Variants in SEMA5B observed in about 807,000 individuals in gnomAD.
SEMA5B encodes the protein semaphorin-5B.
In SEMA5B, 66 loss-of-function variants were observed where a neutral mutation model predicts 135.0. The ratio of observed to expected loss-of-function variants is 0.49; its 90% CI spans 0.40 to 0.60. The LOEUF (loss-of-function observed/expected upper bound fraction) is 0.60, where lower values mean the gene tolerates loss of function less well. Among genes scored for constraint, SEMA5B ranks in the 20% least tolerant of loss-of-function variants. SEMA5B has a pLI of 0.00. For synonymous variants in SEMA5B, 690 were observed against 639.5 expected (o/e 1.08, Z -1.19); for missense variants, 1,501 against 1,566.3 (o/e 0.96, Z 0.70).
chr3:122,989,883 C>T (rs1192893240), intron 1 of SEMA5B, among the ~76,000 whole-genome samples: 2 of 152,080 alleles, frequency 1.3e-5, no homozygotes, highest in Non-Finnish European at 2.9e-5. Flanking sequence ...ACTGATTCTG[C>T]GTAGTTAGGC....
intron 1 of SEMA5B, chr3:122,976,206 G>A (rs1291137275): frequency 6.7e-7 from 1 of 1,482,294 alleles, no homozygotes; most frequent in East Asian, 2.5e-5. Context: ...GTGCTCCTAG[G>A]ACCAGCAGCA....
intron 2 of SEMA5B, among the ~76,000 whole-genome samples, chr3:122,949,653 G>T (rs1939958523): frequency 1.3e-5 from 2 of 152,232 alleles, no homozygotes; most frequent in Admixed American, 1.3e-4. Context: ...CATTCAGCCA[G>T]ATGTCACAAG....
intron 9 of SEMA5B, among the ~76,000 whole-genome samples, chr3:122,925,819 G>A (rs907428923): frequency 1.2e-4 from 18 of 150,062 alleles, no homozygotes; most frequent in Non-Finnish European, 2.7e-4. Context: ...TGGTCTATAG[G>A]AAAGTCACCT....
In SEMA5B at chr3:122,911,064, G is replaced by T; in HGVS notation, c.3092-19C>A. 6.3e-7 allele frequency: 1 copy of T among 1,592,614 alleles called. No individual in the cohort carries two copies. Among genetic ancestry groups the T allele is most frequent in the Non-Finnish European group, 8.6e-7 (1 of 1,164,372 alleles). On this transcript the variant is annotated intron_variant, in intron 21 of 22. Coordinates refer to ENST00000357599, the MANE Select transcript of SEMA5B (RefSeq NM_001031702.4). ...TTGAACCCTAGGGGAAGAGAGGCAG[G>T]TAGTAAGATGAGGGCCACTGTGAAG...
intron 1 of SEMA5B, among the ~76,000 whole-genome samples, chr3:122,966,538 T>G (rs1560378573): frequency 7.4e-5 from 2 of 26,848 alleles, no homozygotes; most frequent in Non-Finnish European, 2.2e-4. Context: ...TAAGAATGTT[T>G]ATTATTATTA....
At chr3:122,979,437 A>G (rs537500488) in intron 1 of SEMA5B, among the ~76,000 whole-genome samples, 1 of 152,334 alleles carries the variant, frequency 6.6e-6, no homozygotes, top group Admixed American at 6.5e-5. Context: ...GGGGGTTCCC[A>G]GTTCCACATA....
At chr3:123,010,534 G>C (rs1942414958) in intron 1 of SEMA5B, among the ~76,000 whole-genome samples, 1 of 152,152 alleles carries the variant, frequency 6.6e-6, no homozygotes, top group South Asian at 2.1e-4. Flanking sequence ...GTGTCGGCTG[G>C]ACGCAGTGCC....
chr3:122,933,534 G>T (rs72970516), intron 5 of SEMA5B, among the ~76,000 whole-genome samples: 2 of 152,188 alleles, frequency 1.3e-5, no homozygotes, highest in African/African-American at 4.8e-5. Context: ...ATGTGCCTTA[G>T]GACGGGTCTT....
At chr3:122,955,276 C>A (rs1940239716) in intron 2 of SEMA5B, among the ~76,000 whole-genome samples, 1 of 152,110 alleles carries the variant, frequency 6.6e-6, no homozygotes, top group East Asian at 1.9e-4. Flanking sequence ...TCCTTCTCTG[C>A]AAAATGGGGA....
At chr3:122,957,823 C>T (rs964973618) in intron 2 of SEMA5B, among the ~76,000 whole-genome samples, 6 of 152,232 alleles carry the variant, frequency 3.9e-5, no homozygotes, top group Non-Finnish European at 8.8e-5. Context: ...CTGCTACACT[C>T]ACCATCCTCC....
chr3:122,978,994 G>A (rs957414758), intron 1 of SEMA5B, among the ~76,000 whole-genome samples: 3 of 152,156 alleles, frequency 2.0e-5, no homozygotes, highest in African/African-American at 2.4e-5. Context: ...CCTGCCCTGT[G>A]AGCCATCGCA....
rs1251453244 is a variant in SEMA5B, at chr3:122,911,903, C to T, written c.3046+17G>A. 9 of 1,585,160 alleles carry T rather than the reference C, an allele frequency of 5.7e-6. No homozygotes were observed. The highest frequency in any genetic ancestry group is 7.7e-6 in the Non-Finnish European group (9 of 1,161,664). On this transcript the variant is annotated intron_variant, in intron 20 of 22. Transcript: ENST00000357599. The stretch of plus-strand genomic sequence containing the variant: ...GCTGGGAAGGGTTGCTGCGCAGGTG[C>T]TGGCAGGGGTACCTACCGGGAATCT...
At chr3:123,008,373 C>T (rs1006124613) in intron 1 of SEMA5B, among the ~76,000 whole-genome samples, 1 of 152,202 alleles carries the variant, frequency 6.6e-6, no homozygotes, top group African/African-American at 2.4e-5. Flanking sequence ...CATTCTAAGG[C>T]AGTGGAAGAG....
chr3:122,926,766 C>A, intron 8 of SEMA5B, 89 bp from the exon 9 acceptor site: 1 of 1,440,036 alleles, frequency 6.9e-7, no homozygotes, highest in East Asian at 2.3e-5. Context: ...TTCGGTTTTC[C>A]CAGATGGGCA....
At chr3:122,990,553 C>T (rs56037852) in intron 1 of SEMA5B, among the ~76,000 whole-genome samples, 2 of 152,190 alleles carry the variant, frequency 1.3e-5, no homozygotes, top group East Asian at 3.9e-4. Flanking sequence ...ACCTGCCCCC[C>T]CAAACTCACT....
chr3:123,015,492 A>T (rs1942536275), intron 1 of SEMA5B, among the ~76,000 whole-genome samples: 1 of 152,172 alleles, frequency 6.6e-6, no homozygotes, highest in Non-Finnish European at 1.5e-5. Context: ...ACTGTAGAGA[A>T]GTGGGAGATC....
At chr3:122,970,508 C>T (rs1309730754) in intron 1 of SEMA5B, among the ~76,000 whole-genome samples, 2 of 152,194 alleles carry the variant, frequency 1.3e-5, no homozygotes, top group Non-Finnish European at 2.9e-5. Context: ...ACTGCTATAG[C>T]CCAGCAGCTA....
chr3:122,913,239 C>A lies in SEMA5B; in HGVS notation c.2466G>T (p.Arg822Ser). The A allele has an allele frequency of 6.3e-7, 1 of 1,586,022 alleles. No individual in the cohort carries two copies. Residue 822 changes from arginine to serine, a missense_variant, in exon 17 of 23, where the codon AGG (arginine) becomes AGT (serine). Coordinates refer to ENST00000357599, the MANE Select transcript of SEMA5B (RefSeq NM_001031702.4). ...AGCCGGAGCCGTCCGCGGGACAGGTCCTCGTCTCGGTCCTTCTCCTGCCGA... is the reference window on the plus strand; with the variant it reads ...AGCCGGAGCCGTCCGCGGGACAGGTACTCGTCTCGGTCCTTCTCCTGCCGA... The part of the protein sequence containing the change: ...LQFGRRRTET[R>S]TCPADGSGSC...
intron 1 of SEMA5B, among the ~76,000 whole-genome samples, chr3:122,963,512 AAAAAGAAAAAG>A (rs1461236558): frequency 1.3e-5 from 2 of 150,908 alleles, no homozygotes; most frequent in African/African-American, 4.9e-5. Context: ...AAAGAAAAAG[AAAAAGAAAAAG>A]AAAAGAAAAA....
Sources: allele counts gnomAD v4.1 joint callset (sites outside exome capture counted in the v4.1 genomes callset), GRCh38; gene constraint gnomAD v4.1.1; transcripts MANE v1.5; gene names NCBI Gene and HGNC (gene_info 2026-07-23, HGNC 2026-07-21).